ROR1: variants seen among roughly 807,000 people sequenced by gnomAD.
ROR1 encodes inactive tyrosine-protein kinase transmembrane receptor ROR1.
A neutral mutation model predicts 78.8 loss-of-function variants in ROR1; 19 were observed. That is an observed-to-expected ratio of 0.24 (90% CI 0.17 to 0.35). The LOEUF (loss-of-function observed/expected upper bound fraction) is 0.35. Ranked by LOEUF, ROR1 falls within the 10% of genes least tolerant of loss-of-function variation. The pLI, the probability that ROR1 is intolerant of heterozygous loss-of-function variation, is 1.00. For missense variants in ROR1, 917 were observed against 1,177.8 expected, an observed-to-expected ratio of 0.78 and a Z score of 3.24; for synonymous variants, 386 against 433.6, an observed-to-expected ratio of 0.89 and a Z score of 1.36.
intron 8 of ROR1, among the ~76,000 whole-genome samples, chr1:64,163,463 G>C (rs1290344588): frequency 1.3e-5 from 2 of 152,118 alleles, no homozygotes; most frequent in Non-Finnish European, 1.5e-5. Flanking sequence ...GGGCGAGGAA[G>C]AGTCAAGGCA....
chr1:63,787,467 T>TGCC lies in ROR1; in HGVS notation c.91+12959_91+12960insGCC, dbSNP rs1248145464. Among the ~76,000 whole-genome samples, 42 of 140,412 alleles carry TGCC rather than the reference T, an allele frequency of 3.0e-4. 2 individuals carry two copies. The highest frequency in any genetic ancestry group is 1.7e-3 in the Admixed American group (25 of 14,576). 92.1% of individuals were successfully genotyped at this position (140,412 alleles called of 152,430 possible). ...CTTCCTTCCTTCCTTCCTTCCTTCC[T>TGCC]TCCTTCCTTCCTTCCTGCCTTCCTG... On this transcript the variant is annotated intron_variant, in intron 1 of 8. Transcript: ENST00000371079.
At chr1:64,121,918 T>G (rs1648557021) in intron 4 of ROR1, among the ~76,000 whole-genome samples, 1 of 152,216 alleles carries the variant, frequency 6.6e-6, no homozygotes. Context: ...TCATTATGGT[T>G]AGCTACTTCT....
At chr1:63,782,021 C>A (rs1015262979) in intron 1 of ROR1, among the ~76,000 whole-genome samples, 5 of 152,194 alleles carry the variant, frequency 3.3e-5, no homozygotes, top group Admixed American at 2.6e-4. Flanking sequence ...AACTATAGCG[C>A]TCCTAGAACT....
At position 64,031,910 on chromosome 1, in the gene ROR1, CT is replaced by C. The variant is rs376056411; in HGVS notation, c.164-17770del. 4.7e-4 allele frequency among the ~76,000 whole-genome samples: 69 copies of C among 146,616 alleles called. 2 individuals are homozygous for C. The highest frequency in any genetic ancestry group is 8.9e-4 in the African/African-American group (36 of 40,256). On this transcript the variant is annotated intron_variant, in intron 2 of 8. Coordinates refer to ENST00000371079, the MANE Select transcript of ROR1 (RefSeq NM_005012.4). Reference sequence around the variant, plus strand: ...ACATTTTGGCTTGTGCTATGAAACTCTTTTTTTTTTTCTGGTCAGAAGAAAG... The same window carrying C: ...ACATTTTGGCTTGTGCTATGAAACTCTTTTTTTTTTCTGGTCAGAAGAAAG...
chr1:63,787,860 C>G (rs143921656), intron 1 of ROR1, among the ~76,000 whole-genome samples: 1 of 152,332 alleles, frequency 6.6e-6, no homozygotes, highest in Non-Finnish European at 1.5e-5. Context: ...TCTGTCACTC[C>G]CTCATTCTGG....
intron 1 of ROR1, among the ~76,000 whole-genome samples, chr1:63,847,585 C>T (rs866598658): frequency 2.4e-4 from 36 of 152,088 alleles, no homozygotes; most frequent in African/African-American, 8.0e-4. Flanking sequence ...CATCTGGCAG[C>T]GCAACAAAGG....
At chr1:63,898,092 G>A (rs914164257) in intron 1 of ROR1, among the ~76,000 whole-genome samples, 2 of 152,168 alleles carry the variant, frequency 1.3e-5, no homozygotes, top group Non-Finnish European at 2.9e-5. Context: ...GATCCTTGCT[G>A]GTCTCATCCC....
At chr1:63,874,218 A>G (rs967600954) in intron 1 of ROR1, among the ~76,000 whole-genome samples, 11 of 152,226 alleles carry the variant, frequency 7.2e-5, no homozygotes, top group African/African-American at 2.7e-4. Flanking sequence ...TTGTTTTAGA[A>G]CACAAGTAGT....
At chr1:63,980,235 G>T (rs1297679841) in intron 1 of ROR1, among the ~76,000 whole-genome samples, 1 of 151,936 alleles carries the variant, frequency 6.6e-6, no homozygotes, top group Non-Finnish European at 1.5e-5. Context: ...CAGATTGGAG[G>T]AATTTGAGGC....
intron 1 of ROR1, among the ~76,000 whole-genome samples, chr1:63,967,567 A>G (rs568805372): frequency 6.6e-6 from 1 of 152,200 alleles, no homozygotes; most frequent in South Asian, 2.1e-4. Flanking sequence ...CCCTACCACC[A>G]TCATCAACCC....
chr1:64,142,699 C>T, intron 7 of ROR1, 49 bp downstream of exon 7: 1 of 1,602,582 alleles, frequency 6.2e-7, no homozygotes, highest in Non-Finnish European at 8.5e-7. Flanking sequence ...TTTAAAGATC[C>T]CTATCCTACC....
At chr1:63,790,949 C>T (rs892838188) in intron 1 of ROR1, among the ~76,000 whole-genome samples, 2 of 152,216 alleles carry the variant, frequency 1.3e-5, no homozygotes, top group African/African-American at 4.8e-5. Context: ...TCTGCCTTAG[C>T]CTCCCAGTAC....
intron 2 of ROR1, among the ~76,000 whole-genome samples, chr1:64,020,595 A>G (rs932947927): frequency 8.5e-5 from 13 of 152,304 alleles, no homozygotes; most frequent in Non-Finnish European, 1.5e-4. Context: ...ATATAGGATC[A>G]GATCCATCCT....
At chr1:63,908,471 A>G (rs1022963226) in intron 1 of ROR1, among the ~76,000 whole-genome samples, 22 of 152,208 alleles carry the variant, frequency 1.4e-4, no homozygotes, top group Admixed American at 7.2e-4. Flanking sequence ...AAAGAGAAAT[A>G]TGTTAATACT....
chr1:63,945,921 T>C (rs1405122403), intron 1 of ROR1, among the ~76,000 whole-genome samples: 1 of 152,236 alleles, frequency 6.6e-6, no homozygotes, highest in Non-Finnish European at 1.5e-5. Flanking sequence ...TTTGGAGAAC[T>C]GGGGAGCCCC....
intron 1 of ROR1, among the ~76,000 whole-genome samples, chr1:63,939,844 C>A (rs1645822275): frequency 6.6e-6 from 1 of 152,202 alleles, no homozygotes; most frequent in Non-Finnish European, 1.5e-5. Context: ...CCTGTCACCA[C>A]AGACAAGCCT....
At chr1:64,083,593 G>GAAAAAA (rs1270419889) in intron 4 of ROR1, among the ~76,000 whole-genome samples, 1 of 133,952 alleles carries the variant, frequency 7.5e-6, no homozygotes. Flanking sequence ...GAGAGAGAGA[G>GAAAAAA]AGAAAAAAAA....
intron 1 of ROR1, among the ~76,000 whole-genome samples, chr1:63,833,817 G>A (rs1490716790): frequency 1.3e-5 from 2 of 151,778 alleles, no homozygotes; most frequent in Non-Finnish European, 2.9e-5. Flanking sequence ...TAAGAGAATA[G>A]TTAGCACATG....
chr1:64,131,463 C>G (rs531768900), intron 4 of ROR1, among the ~76,000 whole-genome samples: 1 of 152,074 alleles, frequency 6.6e-6, no homozygotes, highest in African/African-American at 2.4e-5. Flanking sequence ...AAGCTACCCC[C>G]ACGACCTCCC....
Sources: allele counts gnomAD v4.1 joint callset (sites outside exome capture counted in the v4.1 genomes callset), GRCh38; gene constraint gnomAD v4.1.1; transcripts MANE v1.5; gene names NCBI Gene and HGNC (gene_info 2026-07-23, HGNC 2026-07-21).